The following B3GALT1 variants were observed in gnomAD, a reference collection of about 807,000 sequenced individuals.
B3GALT1 encodes the protein beta-1,3-galactosyltransferase 1.
A neutral mutation model predicts 23.2 loss-of-function variants in B3GALT1; 10 were observed. That is an observed-to-expected ratio of 0.43 (90% confidence interval 0.27 to 0.73). The LOEUF is 0.73. Among genes scored for constraint, B3GALT1 ranks in the 30% least tolerant of loss-of-function variants. The pLI, the probability that B3GALT1 is intolerant of heterozygous loss-of-function variation, is 0.21. For missense variants in B3GALT1, 299 were observed against 405.4 expected, an observed-to-expected ratio of 0.74 and a Z score of 2.25; for synonymous variants, 156 against 141.5, an observed-to-expected ratio of 1.10 and a Z score of -0.73.
At chr2:167,831,123 C>T (rs1689343966) in intron 4 of B3GALT1, among the ~76,000 whole-genome samples, 1 of 152,214 alleles carries the variant, frequency 6.6e-6, no homozygotes. Flanking sequence ...GTCAGCATTA[C>T]ATTTGACACA....
chr2:167,805,167 T>C lies in B3GALT1; in HGVS notation c.-351-13505T>C, dbSNP rs2105345073. Among the ~76,000 whole-genome samples the C allele has an allele frequency of 2.0e-5, 3 of 152,360 alleles. No homozygotes were observed. The South Asian group carries it at 6.2e-4, about 32-fold the overall frequency. ...TTCATATCCTTTGCCCACTTTTTGA[T>C]GGGGCTGTTTGTTTTTTCCTTGTAG... On this transcript the variant is annotated intron_variant, in intron 3 of 4. Transcript: ENST00000392690.
chr2:167,455,697 GA>G (rs1699159171), intron 1 of B3GALT1, among the ~76,000 whole-genome samples: 1 of 152,062 alleles, frequency 6.6e-6, no homozygotes. Flanking sequence ...ATTTTTAATA[GA>G]GACGAGATTT....
chr2:167,319,227 C>G (rs1696764910), intron 1 of B3GALT1, among the ~76,000 whole-genome samples: 1 of 152,080 alleles, frequency 6.6e-6, no homozygotes, highest in Non-Finnish European at 1.5e-5. Context: ...TCCTTGACAT[C>G]GTTTCTACAA....
intron 1 of B3GALT1, among the ~76,000 whole-genome samples, chr2:167,481,334 C>T (rs1469895807): frequency 6.6e-6 from 1 of 152,064 alleles, no homozygotes; most frequent in Admixed American, 6.6e-5. Flanking sequence ...GTATATTTAT[C>T]TAAGTTTGCC....
chr2:167,486,379 AAAG>A (rs1184600391), intron 1 of B3GALT1, among the ~76,000 whole-genome samples: 1 of 149,990 alleles, frequency 6.7e-6, no homozygotes, highest in Non-Finnish European at 1.5e-5. Context: ...AAAGAAAAGA[AAAG>A]AAAAGATGCT....
intron 2 of B3GALT1, among the ~76,000 whole-genome samples, chr2:167,583,100 T>A (rs1354235959): frequency 6.6e-6 from 1 of 152,188 alleles, no homozygotes; most frequent in African/African-American, 2.4e-5. Flanking sequence ...ACTCCTCTGC[T>A]CTCAGTGTTA....
chr2:167,492,110 A>G lies in B3GALT1; in HGVS notation c.-410+1833A>G, dbSNP rs146912012. Among the ~76,000 whole-genome samples, 404 of 152,322 alleles carry G rather than the reference A, an allele frequency of 2.7e-3. 1 individual carries two copies. Among genetic ancestry groups the G allele is most frequent in the African/African-American group, 9.0e-3 (374 of 41,574 alleles). On this transcript the variant is annotated intron_variant, in intron 2 of 4. Coordinates refer to ENST00000392690, the MANE Select transcript of B3GALT1 (RefSeq NM_020981.4). ...ACACAGAATAGCTTCGCTGCTCTAA[A>G]AATCCCACATCTTCCTCTGATTCCC...
chr2:167,664,771 A>G (rs1175295737), intron 3 of B3GALT1, among the ~76,000 whole-genome samples: 5 of 151,232 alleles, frequency 3.3e-5, no homozygotes, highest in South Asian at 2.1e-4. Flanking sequence ...TTTGTCTGTT[A>G]TTGGTGTATA....
intron 2 of B3GALT1, among the ~76,000 whole-genome samples, chr2:167,569,911 A>G (rs908478180): frequency 6.6e-6 from 1 of 151,886 alleles, no homozygotes; most frequent in Admixed American, 6.6e-5. Context: ...GATGTGTATT[A>G]TGTCTATTAA....
At chr2:167,313,736 C>T (rs1321668918) in intron 1 of B3GALT1, among the ~76,000 whole-genome samples, 1 of 152,136 alleles carries the variant, frequency 6.6e-6, no homozygotes, top group Non-Finnish European at 1.5e-5. Flanking sequence ...GAGTTAGGTT[C>T]TCCATCACTG....
rs541542743 is a variant in B3GALT1, at chr2:167,736,533, AACTGTACTAAT to A, written c.-351-82136_-351-82126del. Among the ~76,000 whole-genome samples the A allele has an allele frequency of 8.3e-3, 1,257 of 152,268 alleles. 9 individuals are homozygous for A. Among genetic ancestry groups the A allele is most frequent in the Non-Finnish European group, 0.013 (915 of 68,028 alleles). ...CTCATGCAGAATTAGATTGCTATTGAACTGTACTAATACATTCAAAAGGTTGCAAAAATTCA... is the reference window on the plus strand; with the variant it reads ...CTCATGCAGAATTAGATTGCTATTGAACATTCAAAAGGTTGCAAAAATTCA... On this transcript the variant is annotated intron_variant, in intron 3 of 4. Transcript: ENST00000392690.
chr2:167,363,170 T>G (rs1008622283), intron 1 of B3GALT1, among the ~76,000 whole-genome samples: 2 of 151,542 alleles, frequency 1.3e-5, no homozygotes, highest in Non-Finnish European at 2.9e-5. Context: ...CTTTGTTTTC[T>G]TATTGTCTAG....
intron 2 of B3GALT1, among the ~76,000 whole-genome samples, chr2:167,516,133 C>G (rs1700096986): frequency 6.6e-6 from 1 of 152,070 alleles, no homozygotes; most frequent in Admixed American, 6.6e-5. Context: ...GGCTCTGATC[C>G]TATCTCTAGC....
intron 3 of B3GALT1, among the ~76,000 whole-genome samples, chr2:167,777,671 A>T (rs1558976038): frequency 6.6e-6 from 1 of 152,190 alleles, no homozygotes; most frequent in Admixed American, 6.5e-5. Context: ...TTGTTATAGC[A>T]TTCTTGCAAA....
chr2:167,541,705 T>C (rs1683536685), intron 2 of B3GALT1, among the ~76,000 whole-genome samples: 1 of 152,132 alleles, frequency 6.6e-6, no homozygotes, highest in Admixed American at 6.5e-5. Context: ...ATTTTTATGC[T>C]GATTATATTG....
At chr2:167,710,877 G>A (rs778146583) in intron 3 of B3GALT1, among the ~76,000 whole-genome samples, 4 of 152,156 alleles carry the variant, frequency 2.6e-5, no homozygotes, top group Non-Finnish European at 4.4e-5. Context: ...ATAGCCCGTA[G>A]CTGGTCTCTT....
At chr2:167,545,407 T>G (rs1367016473) in intron 2 of B3GALT1, among the ~76,000 whole-genome samples, 1 of 152,166 alleles carries the variant, frequency 6.6e-6, no homozygotes, top group Non-Finnish European at 1.5e-5. Flanking sequence ...TAGAATTAGC[T>G]TATTTTCTAT....
rs368053292 is a variant in B3GALT1 at position 167,504,015 on chromosome 2, C to T, written c.-410+13738C>T. 4.0e-4 allele frequency among the ~76,000 whole-genome samples: 61 copies of T among 152,240 alleles called. No individual in the cohort carries two copies. In the South Asian group the frequency reaches 0.012, roughly 31 times the overall value. On this transcript the variant is annotated intron_variant, in intron 2 of 4. Coordinates refer to ENST00000392690, the MANE Select transcript of B3GALT1 (RefSeq NM_020981.4). ...GCTGGGTTGGTAAAGGAGACAGAAA[C>T]TTAACAATATCCACCAAGCAACAGA...
At chr2:167,403,748 A>G (rs570997648) in intron 1 of B3GALT1, among the ~76,000 whole-genome samples, 127 of 152,216 alleles carry the variant, frequency 8.3e-4, no homozygotes, top group Middle Eastern at 3.4e-3. Context: ...ATACAACTCT[A>G]TAGGGAAAGA....
Sources: gnomAD v4.1 joint callset for allele counts (sites outside exome capture counted in the v4.1 genomes callset) on GRCh38, gnomAD v4.1.1 for gene constraint, MANE v1.5 for transcripts, NCBI Gene and HGNC (gene_info 2026-07-23, HGNC 2026-07-21) for gene names.